RAPGEF1: variants seen among roughly 807,000 people sequenced by gnomAD.
RAPGEF1 encodes the protein CRK SH3-binding GNRP.
In RAPGEF1, 33 loss-of-function variants were observed where a neutral mutation model predicts 143.3. That is an observed-to-expected ratio of 0.23 (90% CI 0.17 to 0.31). The LOEUF (loss-of-function observed/expected upper bound fraction) is 0.31, where lower values mean the gene tolerates loss of function less well. RAPGEF1 is among the 10% of genes least tolerant of loss of function. RAPGEF1 has a pLI of 1.00. For synonymous variants in RAPGEF1, 629 were observed against 676.5 expected, an observed-to-expected ratio of 0.93 and a Z score of 1.09; for missense variants, 1,199 against 1,645.4, an observed-to-expected ratio of 0.73 and a Z score of 4.69.
chr9:131,648,236 C>G (rs1027161456), intron 3 of RAPGEF1, among the ~76,000 whole-genome samples: 5 of 151,968 alleles, frequency 3.3e-5, no homozygotes, highest in Admixed American at 3.3e-4. Flanking sequence ...CTAAAAAATA[C>G]AAAAATTAGC....
At chr9:131,625,265 G>T (rs571518758) in intron 10 of RAPGEF1, among the ~76,000 whole-genome samples, 1 of 152,206 alleles carries the variant, frequency 6.6e-6, no homozygotes, top group South Asian at 2.1e-4. Flanking sequence ...CAGAAGTGTG[G>T]AGCAGTTAGG....
intron 1 of RAPGEF1, among the ~76,000 whole-genome samples, chr9:131,660,318 T>C (rs1213799831): frequency 6.6e-6 from 1 of 152,242 alleles, no homozygotes; most frequent in Admixed American, 6.5e-5. Flanking sequence ...ATGGGAATAT[T>C]AAGCCTATCT....
chr9:131,651,175 A>C (rs186556675), intron 1 of RAPGEF1, among the ~76,000 whole-genome samples: 1 of 152,368 alleles, frequency 6.6e-6, no homozygotes, highest in East Asian at 1.9e-4. Flanking sequence ...GTCCAAATAA[A>C]TATGGAAAAA....
At chr9:131,647,251 A>T (rs944504138) in intron 3 of RAPGEF1, among the ~76,000 whole-genome samples, 1 of 152,256 alleles carries the variant, frequency 6.6e-6, no homozygotes, top group Non-Finnish European at 1.5e-5. Flanking sequence ...GGAAGACAAC[A>T]GAATATAGTG....
At chr9:131,619,352 T>C in intron 11 of RAPGEF1, 146 bp from the exon 12 acceptor site, 1 of 667,756 alleles carries the variant, frequency 1.5e-6, no homozygotes, top group Non-Finnish European at 2.2e-6. Context: ...TGGGCCCAGT[T>C]CAGGGACTAA....
chr9:131,658,809 T>G (rs1973201857), intron 1 of RAPGEF1, among the ~76,000 whole-genome samples: 1 of 152,250 alleles, frequency 6.6e-6, no homozygotes, highest in Non-Finnish European at 1.5e-5. Context: ...AATTTTTAAC[T>G]TGCCCCTCGG....
At chr9:131,640,646 T>G (rs1196829620) in intron 4 of RAPGEF1, among the ~76,000 whole-genome samples, 1 of 152,054 alleles carries the variant, frequency 6.6e-6, no homozygotes, top group Non-Finnish European at 1.5e-5. Context: ...TCGGGAATCC[T>G]CCATTCAAAG....
intron 1 of RAPGEF1, among the ~76,000 whole-genome samples, chr9:131,733,132 G>C (rs11791041): frequency 0.22 from 33,723 of 151,782 alleles, 4,309 homozygotes; most frequent in Non-Finnish European, 0.29. Context: ...GAGGAGCCTC[G>C]GCCACAGCTA....
chr9:131,691,504 C>G (rs962363253), intron 1 of RAPGEF1, among the ~76,000 whole-genome samples: 2 of 152,202 alleles, frequency 1.3e-5, no homozygotes, highest in Non-Finnish European at 1.5e-5. Flanking sequence ...GAACCCTCAT[C>G]AGATCTCTAA....
At chr9:131,659,212 G>A (rs1330524476) in intron 1 of RAPGEF1, among the ~76,000 whole-genome samples, 4 of 152,232 alleles carry the variant, frequency 2.6e-5, no homozygotes, top group African/African-American at 9.6e-5. Context: ...TTTTAAAGAT[G>A]AGGATTTCCA....
chr9:131,665,848 T>C (rs1272482731), intron 1 of RAPGEF1, among the ~76,000 whole-genome samples: 1 of 152,170 alleles, frequency 6.6e-6, no homozygotes, highest in East Asian at 1.9e-4. Flanking sequence ...GAAATCAAGG[T>C]GATATTTGGG....
At chr9:131,611,775 G>A (rs564682753) in intron 12 of RAPGEF1, among the ~76,000 whole-genome samples, 2 of 152,166 alleles carry the variant, frequency 1.3e-5, no homozygotes, top group South Asian at 4.1e-4. Flanking sequence ...AGAACATGAA[G>A]GAGAAATACA....
At position 131,739,893 on chromosome 9, in the gene RAPGEF1, T is replaced by C; in HGVS notation, c.-63A>G. On this transcript the variant is annotated 5_prime_UTR_variant, in exon 1 of 27. Coordinates refer to ENST00000683357, the MANE Select transcript of RAPGEF1 (RefSeq NM_001377935.1). ...GCGCGCCCGCCGCTCGCCTCGGCCC[T>C]GGCTCGCCACGCCTCAGACCCGCGC... is the stretch of plus-strand genomic sequence containing the variant. 2 of 940,934 alleles carry C rather than the reference T, an allele frequency of 2.1e-6. No homozygotes were observed. Among genetic ancestry groups the C allele is most frequent in the South Asian group, 4.8e-5 (1 of 20,952 alleles). The allele number at this position is 940,934 out of a possible 1,614,324, so 58.3% of individuals were successfully genotyped here. A position where few individuals can be genotyped will look rare whatever the true frequency, so the allele number is the denominator to read the frequency against.
At position 131,630,307 on chromosome 9, in the gene RAPGEF1, G is replaced by A; in HGVS notation, c.669C>T (p.Thr223=). 6.2e-7 allele frequency: 1 copy of A among 1,613,850 alleles called. No homozygotes were observed. Among genetic ancestry groups the A allele is most frequent in the Non-Finnish European group, 8.5e-7 (1 of 1,179,862 alleles). ...LDGVKELVRL[T]IEKQGRPSPT... is the part of the protein sequence containing the mutation. ...GAGACGGACGTCCCTGCTTCTCGAT[G>A]GTGAGCCTGACCAGCTCCTACCCCC... Residue 223 remains threonine, a synonymous_variant, in exon 6 of 27, where the codon ACC becomes ACT. Coordinates refer to ENST00000683357, the MANE Select transcript of RAPGEF1 (RefSeq NM_001377935.1).
intron 1 of RAPGEF1, among the ~76,000 whole-genome samples, chr9:131,658,477 A>C (rs910794720): frequency 2.0e-5 from 3 of 152,228 alleles, no homozygotes; most frequent in Non-Finnish European, 4.4e-5. Flanking sequence ...ATTTACCCCA[A>C]GGTCAGAGAC....
Position 131,592,179 on chromosome 9 carries a change from C to T in RAPGEF1, c.2694G>A (p.Leu898=). 2 of 1,530,736 alleles carry T rather than the reference C, an allele frequency of 1.3e-6. No homozygotes were observed. Among genetic ancestry groups the T allele is most frequent in the Non-Finnish European group, 1.8e-6 (2 of 1,140,746 alleles). 94.8% of individuals were successfully genotyped at this position (1,530,736 alleles called of 1,614,324 possible). Residue 898 remains leucine (L), a synonymous_variant, in exon 18 of 27, where the codon TTG becomes TTA. Coordinates refer to ENST00000683357, the MANE Select transcript of RAPGEF1 (RefSeq NM_001377935.1). ...VHATETDRKD[L]VLYCEAFLTT... is the part of the protein sequence containing the mutation. ...TCAGGAATGCCTCGCAGTACAACAC[C>T]AAATCTAGAGGGAAAAAACAATGCA...
Position 131,604,006 on chromosome 9 carries a change from C to A in RAPGEF1, c.2367G>T (p.Leu789=). Residue 789 remains leucine (L), a synonymous_variant, in exon 14 of 27, where the codon CTG becomes CTT. Transcript: ENST00000683357. ...CCTCGCTGCTCTGGCCAGAGGAATA[C>A]AGATTGACATATTCACCCTCACCAG... is the stretch of plus-strand genomic sequence containing the variant. ...EEAGEGEYVN[L]YSSGQSSEEL... 7.5e-7 allele frequency: 1 copy of A among 1,341,620 alleles called. No individual in the cohort carries two copies. The highest frequency in any genetic ancestry group is 9.9e-7 in the Non-Finnish European group (1 of 1,008,032). The allele number at this position is 1,341,620 out of a possible 1,614,324, so 83.1% of individuals were successfully genotyped here. A position where few individuals can be genotyped will look rare whatever the true frequency, so the allele number is the denominator to read the frequency against.
intron 12 of RAPGEF1, among the ~76,000 whole-genome samples, chr9:131,607,288 G>GGCA (rs1286272360): frequency 6.6e-6 from 1 of 152,172 alleles, no homozygotes. Context: ...GAGCTCGGGG[G>GGCA]GCAGACACCC....
intron 18 of RAPGEF1, among the ~76,000 whole-genome samples, chr9:131,590,748 G>A (rs1954082208): frequency 6.6e-6 from 1 of 152,220 alleles, no homozygotes; most frequent in Non-Finnish European, 1.5e-5. Context: ...ACAGCACAGG[G>A]GTCGCCAGCC....
Sources: allele counts gnomAD v4.1 joint callset (sites outside exome capture counted in the v4.1 genomes callset), GRCh38; gene constraint gnomAD v4.1.1; transcripts MANE v1.5; gene names NCBI Gene and HGNC (gene_info 2026-07-23, HGNC 2026-07-21).